The following AEN variants were observed in gnomAD, a reference collection of about 807,000 sequenced individuals.
AEN encodes the protein apoptosis enhancing nuclease.
AEN carries 21 observed loss-of-function variants against 17.7 expected under a neutral mutation model. That is an observed-to-expected ratio of 1.19 (90% CI 0.84 to 1.71). The LOEUF (loss-of-function observed/expected upper bound fraction) is 1.71, where lower values mean the gene tolerates loss of function less well. Among genes scored for constraint, AEN ranks in the 40% most tolerant of loss-of-function variants. The probability of loss-of-function intolerance (pLI) is 0.00; values close to 1 mark genes in which losing one functional copy is unlikely to be tolerated. For missense variants in AEN, 462 were observed against 435.9 expected, an observed-to-expected ratio of 1.06 and a Z score of -0.53; for synonymous variants, 190 against 173.0, an observed-to-expected ratio of 1.10 and a Z score of -0.77.
chr15:88,611,434 A>G, the AEN span, among the ~76,000 whole-genome samples: 38 of 33,008 alleles, frequency 1.2e-3, no homozygotes, highest in African/African-American at 5.5e-3. Context: ...TGTCTTTACT[A>G]AAAAAAAAAA....
In AEN at chr15:88,629,360, C is replaced by T; in HGVS notation, c.675C>T (p.Gly225=). The part of the protein sequence containing the change: ...TYVPNFLSEP[G]LHTRARVSLK... ...TCCCAAACTTCCTCAGCGAGCCCGG[C>T]CTCCACACCCGGGCCCGGGTCTCTC... is the stretch of plus-strand genomic sequence containing the variant. Residue 225 remains glycine (G), a synonymous_variant, in exon 3 of 4, where the codon GGC becomes GGT. Transcript: ENST00000332810. 1.2e-6 allele frequency: 2 copies of T among 1,614,144 alleles called. No individual in the cohort carries two copies. Among genetic ancestry groups the T allele is most frequent in the Non-Finnish European group, 1.7e-6 (2 of 1,180,012 alleles).
chr15:88,612,163 G>A, the AEN span, among the ~76,000 whole-genome samples: 4 of 152,096 alleles, frequency 2.6e-5, no homozygotes, highest in East Asian at 7.7e-4. Flanking sequence ...AAGGGCAGGG[G>A]GAGAAAAACC....
chr15:88,628,426 C>T (rs932933274), intron 2 of AEN: 17 of 151,740 alleles, frequency 1.1e-4, no homozygotes, highest in African/African-American at 4.1e-4. Context: ...GCCCATGGCC[C>T]TGGGCGTGGC....
chr15:88,629,907 T>A, intron 3 of AEN, 151 bp from the exon 4 acceptor site: 2 of 714,010 alleles, frequency 2.8e-6, no homozygotes, highest in South Asian at 3.4e-5. Context: ...TGGTGTACAG[T>A]TGAGGTTCCA....
intron 1 of AEN, among the ~76,000 whole-genome samples, chr15:88,623,205 G>A (rs985644166): frequency 6.6e-6 from 1 of 152,196 alleles, no homozygotes; most frequent in African/African-American, 2.4e-5. Flanking sequence ...TCAATATGAG[G>A]AAGTTGGTTA....
Position 88,630,214 on chromosome 15 carries a change from A to G in AEN, c.898A>G (p.Met300Val), listed in dbSNP as rs1357797914. 2 of 1,610,078 alleles carry G rather than the reference A, an allele frequency of 1.2e-6. No individual in the cohort carries two copies. Among genetic ancestry groups the G allele is most frequent in the Non-Finnish European group, 1.7e-6 (2 of 1,178,274 alleles). ...CAGCAGCACAGACATGGAACAGTAC[A>G]TGGAGGACCAGTACTGGCCCGATGA... is the stretch of plus-strand genomic sequence containing the variant. ...PDSSTDMEQY[M>V]EDQYWPDDLA... is the part of the protein sequence containing the mutation. The change falls in exon 4 of 4, where the codon ATG becomes GTG. Residue 300 changes from methionine to valine, a missense_variant. Coordinates refer to ENST00000332810, the MANE Select transcript of AEN (RefSeq NM_022767.4). This position sits in a 1 kb window ranked among gnomAD's most constrained non-coding sequence, Gnocchi z 5.1.
the AEN span, among the ~76,000 whole-genome samples, chr15:88,612,676 C>A: frequency 1.3e-5 from 2 of 152,012 alleles, no homozygotes; most frequent in Non-Finnish European, 2.9e-5. Context: ...TCCTGACTCA[C>A]TGCAACCTCC....
At chr15:88,629,462 C>T (rs762043579) in intron 3 of AEN, 36 bp downstream of exon 3, 3 of 1,601,122 alleles carry the variant, frequency 1.9e-6, no homozygotes, top group South Asian at 2.2e-5. Flanking sequence ...GGGAGGGAGG[C>T]CCGCCTGGCC....
At chr15:88,626,981 C>T (rs765895780) in intron 2 of AEN, 58 of 559,954 alleles carry the variant, frequency 1.0e-4, no homozygotes, top group Non-Finnish European at 1.7e-4. Flanking sequence ...AGAAAGGCTA[C>T]ACCAACTGTA....
the AEN span, among the ~76,000 whole-genome samples, chr15:88,610,111 T>C: frequency 6.6e-6 from 1 of 152,184 alleles, no homozygotes; most frequent in Non-Finnish European, 1.5e-5. Flanking sequence ...CTATTACTTC[T>C]CAAAGTTTAT....
chr15:88,612,827 G>A, the AEN span, among the ~76,000 whole-genome samples: 7 of 151,996 alleles, frequency 4.6e-5, no homozygotes, highest in African/African-American at 1.2e-4. Flanking sequence ...TCTCGAACTC[G>A]TGACGTCAGG....
upstream of AEN, among the ~76,000 whole-genome samples, chr15:88,616,810 A>G (rs1053798667): frequency 2.0e-5 from 3 of 152,224 alleles, no homozygotes; most frequent in Non-Finnish European, 4.4e-5. Context: ...CATGTTCAGT[A>G]CTTTATTATA....
upstream of AEN, among the ~76,000 whole-genome samples, chr15:88,618,513 T>A (rs1297258506): frequency 6.6e-6 from 1 of 152,226 alleles, no homozygotes; most frequent in Non-Finnish European, 1.5e-5. Flanking sequence ...GAGAGAATCT[T>A]TAAACATACA....
At chr15:88,619,307 TGAGGA>T (rs1390781791), upstream of AEN, among the ~76,000 whole-genome samples, 2 of 152,232 alleles carry the variant, frequency 1.3e-5, no homozygotes, top group Non-Finnish European at 2.9e-5. Context: ...TGGTTACACA[TGAGGA>T]GAGGGAAGCT....
the AEN span, among the ~76,000 whole-genome samples, chr15:88,608,792 T>C: frequency 6.6e-5 from 10 of 152,262 alleles, no homozygotes; most frequent in Admixed American, 6.5e-4. Context: ...CAATGACTCT[T>C]TAATTCAATG....
chr15:88,629,210 C>T lies in AEN; in HGVS notation c.541-16C>T. 1 of 1,613,468 alleles carries T rather than the reference C, an allele frequency of 6.2e-7. No homozygotes were observed. The highest frequency in any genetic ancestry group is 2.2e-5 in the East Asian group (1 of 44,862). ...GGGTGTGGGGTGACCTCCCTGACTC[C>T]TCTTTCTGCTCACAGATCCTTAAGC... On this transcript the variant is annotated splice_polypyrimidine_tract_variant and intron_variant, in intron 2 of 3. Coordinates refer to ENST00000332810, the MANE Select transcript of AEN (RefSeq NM_022767.4).
At chr15:88,615,941 G>T in the AEN span, among the ~76,000 whole-genome samples, 6 of 152,306 alleles carry the variant, frequency 3.9e-5, no homozygotes, top group African/African-American at 1.4e-4. Flanking sequence ...AACAGGTCAA[G>T]TCCTGTCTCA....
chr15:88,625,361 C>CA (rs1161030588), intron 1 of AEN, among the ~76,000 whole-genome samples: 1 of 151,934 alleles, frequency 6.6e-6, no homozygotes, highest in Non-Finnish European at 1.5e-5. Context: ...ACTAAAAATA[C>CA]AAAAAAAGTA....
chr15:88,621,800 T>A (rs8024058), intron 1 of AEN: 90,623 of 151,972 alleles, frequency 0.6, 29,943 homozygotes, highest in East Asian at 0.78. Context: ...CGAGCCAGGT[T>A]TTTTCAGGTT....
Sources: gnomAD v4.1 joint callset for allele counts (sites outside exome capture counted in the v4.1 genomes callset) on GRCh38, gnomAD v4.1.1 for gene constraint, Gnocchi (gnomAD v3.1) non-coding constraint, MANE v1.5 for transcripts, NCBI Gene and HGNC (gene_info 2026-07-23, HGNC 2026-07-21) for gene names.